STAU1: variants seen among roughly 807,000 people sequenced by gnomAD.
STAU1 encodes staufen double-stranded RNA binding protein 1, also known as double-stranded RNA-binding protein Staufen homolog 1.
In STAU1, 13 loss-of-function variants were observed where a neutral mutation model predicts 62.9. That is an observed-to-expected ratio of 0.21 (90% confidence interval 0.13 to 0.33). STAU1 has a LOEUF of 0.33. Ranked by LOEUF, STAU1 falls within the 10% of genes least tolerant of loss-of-function variation. The pLI is 1.00. For synonymous variants in STAU1, 269 were observed against 265.1 expected (o/e 1.01, Z -0.14); for missense variants, 571 against 712.1 (o/e 0.80, Z 2.25).
intron 3 of STAU1, 64 bp downstream of exon 3, chr20:49,165,933 A>G (rs2093518675): frequency 6.5e-7 from 1 of 1,544,684 alleles, no homozygotes; most frequent in Non-Finnish European, 8.9e-7. Context: ...TCTGCAACCT[A>G]TCAGATCAGA....
intron 6 of STAU1, among the ~76,000 whole-genome samples, chr20:49,133,121 TA>T (rs2145996922): frequency 6.6e-6 from 1 of 152,346 alleles, no homozygotes; most frequent in South Asian, 2.1e-4. Context: ...ACAATTCTTT[TA>T]TGTGACTACT....
chr20:49,170,838 C>T (rs1166217227), intron 2 of STAU1, among the ~76,000 whole-genome samples: 2 of 151,606 alleles, frequency 1.3e-5, no homozygotes, highest in Non-Finnish European at 1.5e-5. Context: ...GGAGAAGCCT[C>T]CTTTTCAGAT....
chr20:49,217,560 C>A, the STAU1 span, among the ~76,000 whole-genome samples: 2 of 151,726 alleles, frequency 1.3e-5, no homozygotes, highest in African/African-American at 4.8e-5. Context: ...CTAACAGTGT[C>A]TTTATTTTAT....
intron 5 of STAU1, among the ~76,000 whole-genome samples, chr20:49,149,770 T>C (rs1480254397): frequency 6.6e-6 from 1 of 152,012 alleles, no homozygotes; most frequent in Non-Finnish European, 1.5e-5. Flanking sequence ...TAGCGGAAAA[T>C]GGAAATGCAG....
rs1027116597 is a variant in STAU1, at chr20:49,118,875, G to C, written c.1114-467C>G. On this transcript the variant is annotated intron_variant, in intron 9 of 13. Coordinates refer to ENST00000371856, the MANE Select transcript of STAU1 (RefSeq NM_017453.4). The stretch of plus-strand genomic sequence containing the variant: ...TTACGGGGAAAATGTTATTACCTAA[G>C]AATTTTGTCTAACACAACATCACCT... 7.9e-5 allele frequency among the ~76,000 whole-genome samples: 12 copies of C among 152,326 alleles called. No homozygotes were observed. In the South Asian group the frequency reaches 8.3e-4, roughly 11 times the overall value.
At chr20:49,142,268 A>G (rs1018949205) in intron 5 of STAU1, among the ~76,000 whole-genome samples, 70 of 151,902 alleles carry the variant, frequency 4.6e-4, no homozygotes, top group African/African-American at 1.6e-3. Flanking sequence ...TTGTATTTTT[A>G]GTAGAGATGG....
At chr20:49,134,601 T>C (rs1450996551) in intron 6 of STAU1, 5 of 1,302,544 alleles carry the variant, frequency 3.8e-6, no homozygotes, top group Non-Finnish European at 5.5e-6. Context: ...GATACAGATA[T>C]TGTGGATGAA....
At chr20:49,133,482 T>C (rs557579700) in intron 6 of STAU1, among the ~76,000 whole-genome samples, 8 of 152,202 alleles carry the variant, frequency 5.3e-5, no homozygotes, top group Admixed American at 5.2e-4. Flanking sequence ...GCAACACTTC[T>C]CCCCTTTCCT....
chr20:49,183,290 A>G (rs2093748481), intron 1 of STAU1, among the ~76,000 whole-genome samples: 1 of 152,222 alleles, frequency 6.6e-6, no homozygotes, highest in Admixed American at 6.5e-5. Flanking sequence ...CTCTTATTTG[A>G]GAGGGGAGGA....
intron 6 of STAU1, chr20:49,134,681 T>C (rs1347810783): frequency 1.8e-6 from 2 of 1,100,538 alleles, no homozygotes; most frequent in Non-Finnish European, 2.8e-6. Context: ...TGATAGGACC[T>C]TGATATATTT....
chr20:49,113,931 G>A lies in STAU1; in HGVS notation c.*947C>T, dbSNP rs1265692138. 6.6e-6 allele frequency: 1 copy of A among 152,562 alleles called. No homozygotes were observed. Among genetic ancestry groups the A allele is most frequent in the African/African-American group, 2.4e-5 (1 of 41,414 alleles). 9.5% of individuals were successfully genotyped at this position (152,562 alleles called of 1,614,324 possible). A position where few individuals can be genotyped will look rare whatever the true frequency, so the allele number is the denominator to read the frequency against. On this transcript the variant is annotated 3_prime_UTR_variant, in exon 14 of 14. Coordinates refer to ENST00000371856, the MANE Select transcript of STAU1 (RefSeq NM_017453.4). ...AGAGATCAAAGTTCATTTAAGTCCT[G>A]TTTGCATTAACAAAAATAAAAATGA...
chr20:49,130,477 C>T (rs1008397622), intron 6 of STAU1, among the ~76,000 whole-genome samples: 2 of 151,980 alleles, frequency 1.3e-5, no homozygotes, highest in African/African-American at 4.8e-5. Context: ...GCCTGACCAC[C>T]CCTTCATCCA....
At chr20:49,145,423 CAAAAAAAAAAAAAAA>C (rs35023867) in intron 5 of STAU1, among the ~76,000 whole-genome samples, 2 of 40,182 alleles carry the variant, frequency 5.0e-5, no homozygotes, top group East Asian at 9.1e-4. Flanking sequence ...GACTCCGTCT[CAAAAAAAAAAAAAAA>C]AAAAAAAAAA....
At chr20:49,129,760 G>C (rs2092712497) in intron 6 of STAU1, among the ~76,000 whole-genome samples, 1 of 149,140 alleles carries the variant, frequency 6.7e-6, no homozygotes. Flanking sequence ...TCAGTCTAAT[G>C]AGTAGCTGGG....
At chr20:49,176,206 T>C (rs1207518555) in intron 1 of STAU1, among the ~76,000 whole-genome samples, 1 of 152,226 alleles carries the variant, frequency 6.6e-6, no homozygotes, top group African/African-American at 2.4e-5. Flanking sequence ...GTAAATGTCG[T>C]TGGCATATGC....
Position 49,139,761 on chromosome 20 carries a change from C to T in STAU1, c.511-3830G>A, listed in dbSNP as rs116251322. Among the ~76,000 whole-genome samples the T allele has an allele frequency of 6.0e-3, 918 of 151,964 alleles. 13 individuals are homozygous for T. The highest frequency in any genetic ancestry group is 0.021 in the African/African-American group (866 of 41,476). ...AAAATCCACAGTAAGATACCACTCA[C>T]ACCCATAAGGATGGCTGCTATCAAA... On this transcript the variant is annotated intron_variant, in intron 5 of 13. Transcript: ENST00000371856.
intron 1 of STAU1, among the ~76,000 whole-genome samples, chr20:49,180,662 A>G (rs1488143785): frequency 6.6e-6 from 1 of 152,220 alleles, no homozygotes; most frequent in African/African-American, 2.4e-5. Context: ...GCAGTAATTT[A>G]GGAGCTGGCC....
chr20:49,139,860 T>C (rs2092968718), intron 5 of STAU1, among the ~76,000 whole-genome samples: 3 of 151,976 alleles, frequency 2.0e-5, no homozygotes, highest in South Asian at 4.1e-4. Flanking sequence ...TGTAAAATGG[T>C]TGTACCAGAT....
At chr20:49,157,102 C>T (rs1428358350) in intron 3 of STAU1, among the ~76,000 whole-genome samples, 3 of 152,012 alleles carry the variant, frequency 2.0e-5, no homozygotes, top group African/African-American at 7.2e-5. Flanking sequence ...GTCTCGAACT[C>T]CTGACCTCAA....
Sources: gnomAD v4.1 joint callset for allele counts (sites outside exome capture counted in the v4.1 genomes callset) on GRCh38, gnomAD v4.1.1 for gene constraint, MANE v1.5 for transcripts, NCBI Gene and HGNC (gene_info 2026-07-23, HGNC 2026-07-21) for gene names.